SMC5: variants seen among roughly 807,000 people sequenced by gnomAD.
SMC5 encodes the protein structural maintenance of chromosomes protein 5.
Under a neutral mutation model 148.3 loss-of-function variants are expected in SMC5, and 88 were observed. That is an observed-to-expected ratio of 0.59 (90% CI 0.50 to 0.71). The LOEUF is 0.71. SMC5 is among the 30% of genes least tolerant of loss of function. The probability of loss-of-function intolerance (pLI) is 0.00; values close to 1 mark genes in which losing one functional copy is unlikely to be tolerated. For synonymous variants in SMC5, 421 were observed against 432.8 expected (o/e 0.97, Z 0.34); for missense variants, 1,142 against 1,298.9 (o/e 0.88, Z 1.86).
At chr9:70,297,848 TTTA>T in intron 8 of SMC5, 115 bp from the exon 9 acceptor site, 1 of 1,185,776 alleles carries the variant, frequency 8.4e-7, no homozygotes, top group East Asian at 2.3e-5. Flanking sequence ...CAGGACACCT[TTTA>T]GTGAGGAAAA....
intron 17 of SMC5, among the ~76,000 whole-genome samples, chr9:70,332,260 A>G (rs917475732): frequency 6.6e-6 from 1 of 152,048 alleles, no homozygotes; most frequent in African/African-American, 2.4e-5. Context: ...AGTGCCTCAC[A>G]CTGTAATCCC....
intron 2 of SMC5, among the ~76,000 whole-genome samples, chr9:70,267,302 T>A (rs376232635): frequency 2.6e-5 from 4 of 152,192 alleles, no homozygotes; most frequent in African/African-American, 9.7e-5. Context: ...CCAGTCTGAT[T>A]TTTTTAGGCT....
intron 8 of SMC5, among the ~76,000 whole-genome samples, chr9:70,292,760 T>A (rs2035097103): frequency 6.6e-6 from 1 of 152,174 alleles, no homozygotes; most frequent in Non-Finnish European, 1.5e-5. Flanking sequence ...TCTATTGATA[T>A]AATTGTGTAA....
rs369785600 is a variant in SMC5 at position 70,289,370 on chromosome 9, C to T, written c.1053+3099C>T. Among the ~76,000 whole-genome samples the T allele has an allele frequency of 2.2e-4, 34 of 152,198 alleles. No homozygotes were observed. In the East Asian group the frequency reaches 2.3e-3, roughly 10 times the overall value. On this transcript the variant is annotated intron_variant, in intron 8 of 24. Transcript: ENST00000361138. ...GTGATTTTTAAGGTGTCAGTATCTC[C>T]TTCTATGAGTATAGGTTTGTCTATT...
At chr9:70,317,190 T>C (rs1218773476) in intron 13 of SMC5, among the ~76,000 whole-genome samples, 1 of 152,102 alleles carries the variant, frequency 6.6e-6, no homozygotes, top group Non-Finnish European at 1.5e-5. Context: ...TTTGAGACAA[T>C]AATGGCTAGA....
In SMC5 at chr9:70,333,695, C is replaced by A. The variant is rs549519166; in HGVS notation, c.2397+9552C>A. 5.9e-5 allele frequency among the ~76,000 whole-genome samples: 9 copies of A among 152,270 alleles called. No individual in the cohort carries two copies. The South Asian group carries it at 1.5e-3, about 25-fold the overall frequency. ...GCAGTGAGCCGAGATCATGTCACTG[C>A]ACTCCAGCCTGGGTGACAGAGTAAG... On this transcript the variant is annotated intron_variant, in intron 17 of 24. Coordinates refer to ENST00000361138, the MANE Select transcript of SMC5 (RefSeq NM_015110.4).
chr9:70,323,707 G>A, intron 16 of SMC5, 101 bp downstream of exon 16: 1 of 1,310,476 alleles, frequency 7.6e-7, no homozygotes. Flanking sequence ...TAAGGTTTTT[G>A]ACATTTTAGT....
intron 15 of SMC5, among the ~76,000 whole-genome samples, chr9:70,321,097 C>T (rs1454868616): frequency 1.3e-5 from 2 of 152,156 alleles, no homozygotes; most frequent in African/African-American, 4.8e-5. Flanking sequence ...TTGAGAACCA[C>T]TGCCCTACAT....
chr9:70,343,172 A>G (rs766689890), intron 17 of SMC5, among the ~76,000 whole-genome samples: 4 of 151,098 alleles, frequency 2.6e-5, no homozygotes, highest in Non-Finnish European at 4.4e-5. Context: ...AATGCGCTAA[A>G]TGAGGATAAT....
At chr9:70,290,362 C>T (rs2035025455) in intron 8 of SMC5, among the ~76,000 whole-genome samples, 1 of 151,938 alleles carries the variant, frequency 6.6e-6, no homozygotes, top group East Asian at 1.9e-4. Flanking sequence ...AGCATAAAAC[C>T]AGATATTGCA....
chr9:70,323,688 G>GCC, intron 16 of SMC5, 82 bp downstream of exon 16: 2 of 1,297,054 alleles, frequency 1.5e-6, no homozygotes, highest in Non-Finnish European at 2.1e-6. Context: ...AGGGAGGGAA[G>GCC]GTTTTGATTA....
intron 8 of SMC5, among the ~76,000 whole-genome samples, chr9:70,289,309 A>G (rs2034994567): frequency 6.6e-6 from 1 of 152,146 alleles, no homozygotes; most frequent in South Asian, 2.1e-4. Context: ...AAGTGCTAGA[A>G]TTACAAGTGT....
chr9:70,339,165 C>T (rs765616942), intron 17 of SMC5, among the ~76,000 whole-genome samples: 1 of 152,136 alleles, frequency 6.6e-6, no homozygotes, highest in Non-Finnish European at 1.5e-5. Context: ...CACGGTGGCT[C>T]ACGCCTGTAA....
intron 9 of SMC5, among the ~76,000 whole-genome samples, chr9:70,299,592 A>C (rs540825248): frequency 6.6e-6 from 1 of 152,150 alleles, no homozygotes; most frequent in South Asian, 2.1e-4. Flanking sequence ...GTAAACTTCT[A>C]AGAAGAGATA....
At chr9:70,268,461 C>T (rs1351080144) in intron 3 of SMC5, among the ~76,000 whole-genome samples, 1 of 147,492 alleles carries the variant, frequency 6.8e-6, no homozygotes, top group Non-Finnish European at 1.5e-5. Flanking sequence ...CCTGCCCCCC[C>T]CAAAAAAAAA....
chr9:70,339,518 G>C (rs1402548870), intron 17 of SMC5, among the ~76,000 whole-genome samples: 1 of 151,600 alleles, frequency 6.6e-6, no homozygotes, highest in African/African-American at 2.4e-5. Flanking sequence ...ACCTACTCTT[G>C]TTTTCTTCTC....
In SMC5 at chr9:70,282,567, C is replaced by T. The variant is rs1447223529; in HGVS notation, c.965C>T (p.Ala322Val). 1.9e-6 allele frequency: 3 copies of T among 1,570,496 alleles called. No homozygotes were observed. The highest frequency in any genetic ancestry group is 1.2e-5 in the South Asian group (1 of 80,200). Residue 322 changes from alanine to valine, a missense_variant, in exon 7 of 25, where the codon GCT becomes GTT. Ala to Val is a moderately conservative substitution (Grantham distance 64). Coordinates refer to ENST00000361138, the MANE Select transcript of SMC5 (RefSeq NM_015110.4). ...GAAAACGAGCGTCACAATTTGGAGG[C>T]TCGAATCAAAGAAAAGGTACTTTTT... The part of the protein sequence containing the change: ...EMENERHNLE[A>V]RIKEKATDIK...
intron 17 of SMC5, among the ~76,000 whole-genome samples, chr9:70,339,409 A>G (rs2118778671): frequency 6.6e-6 from 1 of 151,768 alleles, no homozygotes; most frequent in South Asian, 2.1e-4. Flanking sequence ...AGCCTGGGCG[A>G]CAGAGCGAGA....
intron 24 of SMC5, among the ~76,000 whole-genome samples, chr9:70,351,989 G>A (rs1438878541): frequency 3.9e-5 from 6 of 152,102 alleles, no homozygotes; most frequent in East Asian, 1.9e-4. Flanking sequence ...GCTGAGGCAC[G>A]AGAATCTCTT....
Sources: allele counts gnomAD v4.1 joint callset (sites outside exome capture counted in the v4.1 genomes callset), GRCh38; gene constraint gnomAD v4.1.1; transcripts MANE v1.5; gene names NCBI Gene and HGNC (gene_info 2026-07-23, HGNC 2026-07-21).